SVIL: variants seen among roughly 807,000 people sequenced by gnomAD.
The protein encoded by SVIL is archvillin.
In SVIL, 101 loss-of-function variants were observed where a neutral mutation model predicts 240.4. The ratio of observed to expected loss-of-function variants is 0.42; its 90% confidence interval spans 0.36 to 0.50. The LOEUF is 0.50. Ranked by LOEUF, SVIL falls within the 20% of genes least tolerant of loss-of-function variation. The pLI is 0.01. For missense variants in SVIL, 2,512 were observed against 2,818.7 expected (o/e 0.89, Z 2.46); for synonymous variants, 999 against 1,100.0 (o/e 0.91, Z 1.82).
intron 21 of SVIL, among the ~76,000 whole-genome samples, chr10:29,492,848 A>G (rs1948098480): frequency 6.6e-6 from 1 of 152,210 alleles, no homozygotes; most frequent in Non-Finnish European, 1.5e-5. Flanking sequence ...CAAGAATTCA[A>G]TATGTCAAAT....
chr10:29,651,139 G>A (rs1461481651), intron 3 of SVIL, among the ~76,000 whole-genome samples: 3 of 151,788 alleles, frequency 2.0e-5, no homozygotes, highest in Non-Finnish European at 2.9e-5. Flanking sequence ...CCACCCTCGC[G>A]CCCCAACCCT....
chr10:29,721,094 C>T (rs915004365), intron 1 of SVIL, among the ~76,000 whole-genome samples: 1 of 152,068 alleles, frequency 6.6e-6, no homozygotes, highest in African/African-American at 2.4e-5. Context: ...GCAATCCACC[C>T]GCCTCAGCCT....
intron 1 of SVIL, among the ~76,000 whole-genome samples, chr10:29,576,881 T>G: frequency 6.6e-6 from 1 of 152,082 alleles, no homozygotes; most frequent in African/African-American, 2.4e-5. Context: ...ACAATGCAAA[T>G]GATTTTTTTT....
At chr10:29,537,422 G>A (rs1951820449) in intron 6 of SVIL, among the ~76,000 whole-genome samples, 1 of 152,178 alleles carries the variant, frequency 6.6e-6, no homozygotes. Context: ...GAATATGAAC[G>A]AGTAATTATA....
intron 1 of SVIL, among the ~76,000 whole-genome samples, chr10:29,573,858 A>G (rs1266033694): frequency 6.6e-6 from 1 of 151,916 alleles, no homozygotes; most frequent in Non-Finnish European, 1.5e-5. Flanking sequence ...ACCATGCCCA[A>G]CTAATTTTTG....
intron 1 of SVIL, among the ~76,000 whole-genome samples, chr10:29,585,745 A>C (rs1485715477): frequency 1.3e-5 from 2 of 152,194 alleles, no homozygotes; most frequent in South Asian, 2.1e-4. Flanking sequence ...CTGGTGCCCC[A>C]AGATCTCTGG....
At chr10:29,480,164 G>C (rs3952847) in intron 29 of SVIL, among the ~76,000 whole-genome samples, 14,454 of 152,196 alleles carry the variant, frequency 0.095, 867 homozygotes, top group Non-Finnish European at 0.13. Flanking sequence ...AAGATATGCT[G>C]TACTTAACGA....
chr10:29,726,174 A>G (rs1964279199), intron 1 of SVIL, among the ~76,000 whole-genome samples: 2 of 152,226 alleles, frequency 1.3e-5, no homozygotes, highest in Admixed American at 6.5e-5. Context: ...CTCCTGCCTC[A>G]GCCTCCCAAC....
At chr10:29,701,350 A>C (rs558742164) in intron 1 of SVIL, among the ~76,000 whole-genome samples, 2 of 151,566 alleles carry the variant, frequency 1.3e-5, no homozygotes, top group South Asian at 4.2e-4. Context: ...CCAATACCCA[A>C]AAAACTCTTG....
At chr10:29,473,142 G>A (rs1473389697) in intron 30 of SVIL, among the ~76,000 whole-genome samples, 1 of 152,000 alleles carries the variant, frequency 6.6e-6, no homozygotes, top group Admixed American at 6.6e-5. Flanking sequence ...GGAGCAGGGG[G>A]AGCTTGGAGA....
intron 1 of SVIL, among the ~76,000 whole-genome samples, chr10:29,569,764 G>C (rs891717107): frequency 2.6e-5 from 4 of 152,192 alleles, no homozygotes; most frequent in Admixed American, 2.0e-4. Flanking sequence ...GGTCTGAAGA[G>C]CAAAGGACAA....
chr10:29,563,955 T>TC (rs1385438810), intron 2 of SVIL, among the ~76,000 whole-genome samples: 1 of 151,608 alleles, frequency 6.6e-6, no homozygotes, highest in Non-Finnish European at 1.5e-5. Context: ...TCCCCATGTA[T>TC]CCCCCAGGTA....
intron 3 of SVIL, among the ~76,000 whole-genome samples, chr10:29,562,916 C>A (rs892869248): frequency 5.3e-5 from 8 of 152,004 alleles, no homozygotes; most frequent in East Asian, 3.9e-4. Context: ...GAGATGAGGG[C>A]AGGGCGATTT....
intron 1 of SVIL, among the ~76,000 whole-genome samples, chr10:29,599,017 CCT>C: frequency 1.3e-5 from 2 of 152,334 alleles, no homozygotes; most frequent in East Asian, 3.9e-4. Context: ...CACAAAATAG[CCT>C]CTCTCCACTC....
chr10:29,681,406 GGT>G (rs55839039), intron 2 of SVIL, among the ~76,000 whole-genome samples: 4,800 of 134,894 alleles, frequency 0.036, 149 homozygotes, highest in African/African-American at 0.086. Context: ...AAGATGGAAT[GGT>G]GTGTGTGTGT....
At chr10:29,681,672 G>A (rs774140591) in intron 2 of SVIL, among the ~76,000 whole-genome samples, 41 of 152,126 alleles carry the variant, frequency 2.7e-4, no homozygotes, top group Non-Finnish European at 5.4e-4. Context: ...CAGAAAAGCA[G>A]CCAAAAAGTA....
At chr10:29,589,665 C>A (rs116271158) in intron 1 of SVIL, among the ~76,000 whole-genome samples, 5 of 152,136 alleles carry the variant, frequency 3.3e-5, no homozygotes, top group Non-Finnish European at 7.3e-5. Flanking sequence ...TAGCTGCTGG[C>A]TACTGACTTG....
In SVIL at chr10:29,497,885, C is replaced by G. The variant is rs547656998; in HGVS notation, c.3664+1231G>C. ...TCACCTGAGGTCAGGAGTTCGAGAC[C>G]AGCCTGGCAAACATGGCAAAACCCC... On this transcript the variant is annotated intron_variant, in intron 18 of 37. Transcript: ENST00000355867. Among the ~76,000 whole-genome samples, 486 of 150,466 alleles carry G rather than the reference C, an allele frequency of 3.2e-3. 2 individuals are homozygous for G. Among genetic ancestry groups the G allele is most frequent in the African/African-American group, 0.011 (457 of 40,222 alleles).
chr10:29,731,101 C>T (rs1482261371), intron 1 of SVIL, among the ~76,000 whole-genome samples: 1 of 152,196 alleles, frequency 6.6e-6, no homozygotes, highest in African/African-American at 2.4e-5. Context: ...GCTACTCTGG[C>T]TTTATTTGAG....
Sources: gnomAD v4.1 joint callset for allele counts (sites outside exome capture counted in the v4.1 genomes callset) on GRCh38, gnomAD v4.1.1 for gene constraint, MANE v1.5 for transcripts, NCBI Gene and HGNC (gene_info 2026-07-23, HGNC 2026-07-21) for gene names.